The following ITGB3 variants were observed in gnomAD, a reference collection of about 807,000 sequenced individuals.
The protein encoded by ITGB3 is integrin subunit beta 3.
In ITGB3, 48 loss-of-function variants were observed where a neutral mutation model predicts 85.8. The ratio of observed to expected loss-of-function variants is 0.56; its 90% CI spans 0.44 to 0.71. ITGB3 has a LOEUF of 0.71. ITGB3 is among the 30% of genes least tolerant of loss of function. The pLI, the probability that ITGB3 is intolerant of heterozygous loss-of-function variation, is 0.00. For synonymous variants in ITGB3, 363 were observed against 395.6 expected, an observed-to-expected ratio of 0.92 and a Z score of 0.98; for missense variants, 861 against 1,019.1, an observed-to-expected ratio of 0.84 and a Z score of 2.11.
intron 2 of ITGB3, 27 bp from the exon 3 acceptor site, chr17:47,283,327 A>T: frequency 6.2e-7 from 1 of 1,612,718 alleles, no homozygotes; most frequent in Non-Finnish European, 8.5e-7. Flanking sequence ...TGATTGCTGG[A>T]CTTCTCTTTG....
Position 47,292,131 on chromosome 17 carries a change from C to A in ITGB3, c.1261-8C>A. 2 of 1,613,984 alleles carry A rather than the reference C, an allele frequency of 1.2e-6. No homozygotes were observed. The highest frequency in any genetic ancestry group is 1.7e-6 in the Non-Finnish European group (2 of 1,179,868). ...CTGTGTCTAAATACAATCTTTCTTT[C>A]CATCCAGGTGAGCTTCAGCATTGAG... On this transcript the variant is annotated splice_region_variant and splice_polypyrimidine_tract_variant and intron_variant, in intron 9 of 14. Transcript: ENST00000559488.
chr17:47,292,102 C>A, intron 9 of ITGB3, 37 bp from the exon 10 acceptor site: 1 of 1,609,434 alleles, frequency 6.2e-7, no homozygotes, highest in South Asian at 1.1e-5. Context: ...TTAACTGGGC[C>A]CAACTGTGTC....
chr17:47,296,612 G>T (rs953891123), intron 10 of ITGB3, among the ~76,000 whole-genome samples: 8 of 152,260 alleles, frequency 5.3e-5, no homozygotes, highest in African/African-American at 1.7e-4. Flanking sequence ...CTGGGAGGAA[G>T]GAGCTATTTT....
rs1350174554 is a variant in ITGB3, at chr17:47,311,646, A to C, written c.*1442A>C. On this transcript the variant is annotated 3_prime_UTR_variant, in exon 15 of 15. Transcript: ENST00000559488. Reference sequence around the variant, plus strand: ...CTGTGAGGGGCTCTCTCATGATAGAAGGCTATGGGGATAGATGTGTGGACA... The same window carrying C: ...CTGTGAGGGGCTCTCTCATGATAGACGGCTATGGGGATAGATGTGTGGACA... 1.3e-5 allele frequency: 2 copies of C among 152,214 alleles called. No individual in the cohort carries two copies. The highest frequency in any genetic ancestry group is 2.1e-4 in the South Asian group (1 of 4,828). The allele number at this position is 152,214 out of a possible 1,614,324, so 9.4% of individuals were successfully genotyped here. A position where few individuals can be genotyped will look rare whatever the true frequency, so the allele number is the denominator to read the frequency against.
At chr17:47,304,798 G>T (rs923825454) in intron 13 of ITGB3, among the ~76,000 whole-genome samples, 1 of 152,090 alleles carries the variant, frequency 6.6e-6, no homozygotes, top group African/African-American at 2.4e-5. Context: ...AGTAGAGACA[G>T]GGTTTCACCA....
chr17:47,271,444 T>G (rs2065043811), intron 1 of ITGB3, among the ~76,000 whole-genome samples: 1 of 152,184 alleles, frequency 6.6e-6, no homozygotes, highest in Non-Finnish European at 1.5e-5. Flanking sequence ...CAAAAGGAAT[T>G]TCAAAGAAGG....
intron 10 of ITGB3, among the ~76,000 whole-genome samples, chr17:47,296,322 C>T (rs1171090174): frequency 6.6e-6 from 1 of 152,222 alleles, no homozygotes; most frequent in Non-Finnish European, 1.5e-5. Context: ...CAGCCTTGAA[C>T]TCCTGGGCTC....
intron 1 of ITGB3, among the ~76,000 whole-genome samples, chr17:47,258,761 A>G (rs1370347046): frequency 1.3e-5 from 2 of 152,140 alleles, no homozygotes; most frequent in African/African-American, 4.8e-5. Flanking sequence ...GCTCTTTTGT[A>G]ATCGATACCC....
At chr17:47,297,571 G>A (rs1415831837) in intron 10 of ITGB3, among the ~76,000 whole-genome samples, 3 of 152,042 alleles carry the variant, frequency 2.0e-5, no homozygotes, top group Non-Finnish European at 2.9e-5. Flanking sequence ...CAGGAGAATC[G>A]CTTGAACACG....
intron 8 of ITGB3, 112 bp downstream of exon 8, chr17:47,290,386 C>T (rs1463820942): frequency 1.3e-5 from 12 of 906,624 alleles, no homozygotes; most frequent in Non-Finnish European, 1.8e-5. Flanking sequence ...GGTCTTACTG[C>T]CTTCTCCGTG....
At chr17:47,306,978 CTTTTTA>C (rs1383314655) in intron 13 of ITGB3, among the ~76,000 whole-genome samples, 3 of 152,146 alleles carry the variant, frequency 2.0e-5, no homozygotes, top group Non-Finnish European at 1.5e-5. Flanking sequence ...CCACACTCGG[CTTTTTA>C]TTTTTAATTT....
intron 1 of ITGB3, 143 bp from the exon 2 acceptor site, chr17:47,274,276 A>C: frequency 1.4e-6 from 1 of 737,854 alleles, no homozygotes; most frequent in Non-Finnish European, 2.5e-6. Flanking sequence ...TGTATTTGGT[A>C]GACGTCTGTG....
At chr17:47,283,839 C>G (rs187104554) in intron 3 of ITGB3, among the ~76,000 whole-genome samples, 94 of 152,272 alleles carry the variant, frequency 6.2e-4, no homozygotes, top group East Asian at 1.7e-3. Flanking sequence ...TTTGTTTCTT[C>G]TTTACCCAAG....
rs1202725325 is a variant in ITGB3, at chr17:47,299,576, A to G, written c.1913+46A>G. The G allele has an allele frequency of 6.4e-7, 1 of 1,554,596 alleles. No individual in the cohort carries two copies. ...GAGCCGGGAGGCTGGGAGGTAGGAG[A>G]GGATCCCCTGACTAGAATCCCCAGC... On this transcript the variant is annotated intron_variant, in intron 11 of 14. Transcript: ENST00000559488. The surrounding 1 kb of genome is among the most constrained non-coding windows in gnomAD (Gnocchi z 5.1).
rs755511654 is a variant in ITGB3, at chr17:47,286,349, A to G, written c.704A>G (p.Lys235Arg). The change falls in exon 5 of 15, where the codon AAG (lysine) becomes AGG (arginine). Residue 235 changes from lysine to arginine, a missense_variant. Transcript: ENST00000559488. The part of the protein sequence containing the change: ...QVTRFNEEVK[K>R]QSVSRNRDAP... ...ACCCGCTTCAATGAGGAAGTGAAGA[A>G]GCAGAGTGTGTCACGGAACCGAGAT... 3.7e-6 allele frequency: 6 copies of G among 1,614,228 alleles called. No homozygotes were observed. In the South Asian group the frequency reaches 5.5e-5, roughly 15 times the overall value.
chr17:47,255,757 G>C (rs1214071059), intron 1 of ITGB3, among the ~76,000 whole-genome samples: 3 of 152,152 alleles, frequency 2.0e-5, no homozygotes, highest in African/African-American at 7.2e-5. Flanking sequence ...TTGATATGTA[G>C]AGGAATATTG....
At position 47,283,541 on chromosome 17, in the gene ITGB3, T is replaced by A. The variant is rs368325996; in HGVS notation, c.353T>A (p.Leu118His). 6 of 1,613,984 alleles carry A rather than the reference T, an allele frequency of 3.7e-6. No homozygotes were observed. Among genetic ancestry groups the A allele is most frequent in the Non-Finnish European group, 5.1e-6 (6 of 1,180,028 alleles). ...AGTCCCCAGAGGATTGCACTCCGGC[T>A]CCGGCCAGGTAGGGCTGGGACTCTT... ...QVSPQRIALR[L>H]RPDDSKNFSI... The change falls in exon 3 of 15, where the codon CTC becomes CAC. Residue 118 changes from leucine (L) to histidine (H), a missense_variant. Coordinates refer to ENST00000559488, the MANE Select transcript of ITGB3 (RefSeq NM_000212.3).
intron 14 of ITGB3, 83 bp from the exon 15 acceptor site, chr17:47,310,056 A>G: frequency 8.1e-7 from 1 of 1,229,532 alleles, no homozygotes; most frequent in East Asian, 2.3e-5. Flanking sequence ...CCTTGGGAAA[A>G]CTTCTGAGAT....
chr17:47,291,858 A>G (rs2065126993), intron 9 of ITGB3, among the ~76,000 whole-genome samples: 1 of 152,304 alleles, frequency 6.6e-6, no homozygotes, highest in African/African-American at 2.4e-5. Flanking sequence ...GAGCTGGTCT[A>G]TTTCATATGT....
Sources: allele counts gnomAD v4.1 joint callset (sites outside exome capture counted in the v4.1 genomes callset), GRCh38; gene constraint gnomAD v4.1.1; non-coding constraint Gnocchi (gnomAD v3.1); transcripts MANE v1.5; gene names NCBI Gene and HGNC (gene_info 2026-07-23, HGNC 2026-07-21).